Variants in EPHB1 observed in about 807,000 individuals in gnomAD.
EPHB1 encodes the protein EPH receptor B1.
EPHB1 carries 30 observed loss-of-function variants against 94.4 expected under a neutral mutation model. The observed-to-expected ratio is 0.32, with a 90% CI of 0.24 to 0.43. EPHB1 has a LOEUF of 0.43. Among genes scored for constraint, EPHB1 ranks in the 20% least tolerant of loss-of-function variants. The pLI, the probability that EPHB1 is intolerant of heterozygous loss-of-function variation, is 1.00. For missense variants in EPHB1, 1,055 were observed against 1,308.3 expected, an observed-to-expected ratio of 0.81 and a Z score of 2.99; for synonymous variants, 522 against 489.1, an observed-to-expected ratio of 1.07 and a Z score of -0.89.
intron 3 of EPHB1, among the ~76,000 whole-genome samples, chr3:135,053,826 A>G (rs1196739199): frequency 1.3e-5 from 2 of 152,070 alleles, no homozygotes; most frequent in Admixed American, 6.5e-5. Flanking sequence ...TCCCTGCAAA[A>G]AAGAATTTTT....
At chr3:134,926,273 C>T (rs960875402) in intron 2 of EPHB1, among the ~76,000 whole-genome samples, 8 of 152,220 alleles carry the variant, frequency 5.3e-5, no homozygotes, top group African/African-American at 1.9e-4. Context: ...TCACCTAGAC[C>T]TTGCCTTGGA....
intron 13 of EPHB1, among the ~76,000 whole-genome samples, chr3:135,245,231 C>T (rs1367970756): frequency 6.6e-6 from 1 of 152,188 alleles, no homozygotes; most frequent in Non-Finnish European, 1.5e-5. Context: ...CGCATCACTT[C>T]GGTGTCATTT....
rs753290958 is a variant in EPHB1 at position 134,849,643 on chromosome 3, A to T, written c.58+53954A>T. Among the ~76,000 whole-genome samples, 18 of 152,152 alleles carry T rather than the reference A, an allele frequency of 1.2e-4. 1 individual carries two copies. The highest frequency in any genetic ancestry group is 9.2e-4 in the Admixed American group (14 of 15,286). On this transcript the variant is annotated intron_variant, in intron 1 of 15. Transcript: ENST00000398015. Reference sequence around the variant, plus strand: ...AGTGGCACATGAAAATGCAGCAAGCACCCGAGGACAGAGCTAGGAGATTAT... The same window carrying T: ...AGTGGCACATGAAAATGCAGCAAGCTCCCGAGGACAGAGCTAGGAGATTAT...
chr3:135,105,117 A>T (rs1034036545), intron 3 of EPHB1, among the ~76,000 whole-genome samples: 3 of 152,214 alleles, frequency 2.0e-5, no homozygotes, highest in Non-Finnish European at 4.4e-5. Flanking sequence ...GATGGTGGCT[A>T]CTGCTATTAT....
intron 1 of EPHB1, among the ~76,000 whole-genome samples, chr3:134,882,825 T>G (rs1318078781): frequency 6.7e-6 from 1 of 149,468 alleles, no homozygotes; most frequent in Non-Finnish European, 1.5e-5. Flanking sequence ...TTTCTTTCTT[T>G]TCTTTCTTTC....
In EPHB1 at chr3:135,053,123, CATT is replaced by C. The variant is rs773847846; in HGVS notation, c.806-53322_806-53320del. Among the ~76,000 whole-genome samples the C allele has an allele frequency of 2.8e-5, 4 of 142,568 alleles. No homozygotes were observed. In the East Asian group the frequency reaches 8.2e-4, roughly 29 times the overall value. 93.5% of individuals were successfully genotyped at this position (142,568 alleles called of 152,430 possible). ...CATGGTATCCAGATATTTGTTCAAA[CATT>C]ATGTTAGATGTTTAGATTTTAGATG... On this transcript the variant is annotated intron_variant, in intron 3 of 15. Transcript: ENST00000398015.
chr3:135,254,955 G>C (rs1933308334), intron 15 of EPHB1, among the ~76,000 whole-genome samples: 1 of 152,210 alleles, frequency 6.6e-6, no homozygotes, highest in Non-Finnish European at 1.5e-5. Context: ...GAGAGTGCAT[G>C]TGTCAAGGAA....
intron 1 of EPHB1, among the ~76,000 whole-genome samples, chr3:134,897,344 G>T (rs544209879): frequency 6.6e-6 from 1 of 152,272 alleles, no homozygotes; most frequent in African/African-American, 2.4e-5. Flanking sequence ...GGGTGAGGGA[G>T]GGTGGGGAAA....
At chr3:134,882,833 T>TTCTTTCTTTTCTTTCTC in intron 1 of EPHB1, among the ~76,000 whole-genome samples, 1 of 150,470 alleles carries the variant, frequency 6.6e-6, no homozygotes, top group African/African-American at 2.5e-5. Context: ...TTTTCTTTCT[T>TTCTTTCTTTTCTTTCTC]TCTTTCTTTT....
chr3:134,795,928 G>A (rs1321527939), intron 1 of EPHB1, among the ~76,000 whole-genome samples: 1 of 152,158 alleles, frequency 6.6e-6, no homozygotes, highest in Non-Finnish European at 1.5e-5. Flanking sequence ...CGGCTTCCTC[G>A]CCCCGGCACT....
chr3:135,031,771 C>G (rs1936482011), intron 3 of EPHB1, among the ~76,000 whole-genome samples: 2 of 152,216 alleles, frequency 1.3e-5, no homozygotes, highest in Admixed American at 6.5e-5. Context: ...CTCAAGTCCT[C>G]TCTTCAAAAG....
intron 3 of EPHB1, among the ~76,000 whole-genome samples, chr3:135,071,301 T>C (rs1456665303): frequency 6.6e-6 from 1 of 152,200 alleles, no homozygotes; most frequent in Non-Finnish European, 1.5e-5. Context: ...TGGACCCAGG[T>C]AATTTTAAGT....
chr3:135,224,088 G>A lies in EPHB1; in HGVS notation c.2347-17060G>A, dbSNP rs13070769. 8.5e-3 allele frequency among the ~76,000 whole-genome samples: 1,287 copies of A among 152,214 alleles called. 4 individuals carry two copies. The highest frequency in any genetic ancestry group is 0.037 in the Middle Eastern group (11 of 294). ...ACACAAATATTATTGTGTTACAATT[G>A]CCAACAGTATTCTTCATAGTACCAT... On this transcript the variant is annotated intron_variant, in intron 12 of 15. Coordinates refer to ENST00000398015, the MANE Select transcript of EPHB1 (RefSeq NM_004441.5).
intron 3 of EPHB1, among the ~76,000 whole-genome samples, chr3:135,105,619 A>G (rs913541940): frequency 6.6e-5 from 10 of 152,208 alleles, no homozygotes; most frequent in Non-Finnish European, 1.5e-4. Context: ...ATGACTCATT[A>G]TAGGCTGATC....
Position 135,259,958 on chromosome 3 carries a change from G to T in EPHB1, c.*838G>T, listed in dbSNP as rs1305892984. ...GTCCCTAGGAAATCCAAAGGGGCTG[G>T]AATATGGTGTTGGTTTGGCTTTCTG... On this transcript the variant is annotated 3_prime_UTR_variant, in exon 16 of 16. Transcript: ENST00000398015. The T allele has an allele frequency of 8.6e-6, 2 of 231,736 alleles. No individual in the cohort carries two copies. The highest frequency in any genetic ancestry group is 4.4e-5 in the African/African-American group (2 of 45,240). The allele number at this position is 231,736 out of a possible 1,614,324, so 14.4% of individuals were successfully genotyped here.
At chr3:134,828,561 C>G (rs1384537579) in intron 1 of EPHB1, among the ~76,000 whole-genome samples, 1 of 152,150 alleles carries the variant, frequency 6.6e-6, no homozygotes, top group Admixed American at 6.5e-5. Flanking sequence ...AATTACTGCC[C>G]CAGGGTCAGG....
chr3:134,800,881 A>G (rs928687756), intron 1 of EPHB1, among the ~76,000 whole-genome samples: 4 of 152,240 alleles, frequency 2.6e-5, no homozygotes, highest in African/African-American at 9.6e-5. Context: ...AGACTGAGAT[A>G]TATAATAGTT....
chr3:134,962,657 G>A (rs893690984), intron 3 of EPHB1, among the ~76,000 whole-genome samples: 5 of 152,038 alleles, frequency 3.3e-5, no homozygotes, highest in Non-Finnish European at 7.4e-5. Context: ...GCATCTCTCA[G>A]CTCTCACCCT....
At chr3:135,203,049 T>A (rs923434612) in intron 12 of EPHB1, among the ~76,000 whole-genome samples, 1 of 152,186 alleles carries the variant, frequency 6.6e-6, no homozygotes, top group Non-Finnish European at 1.5e-5. Flanking sequence ...TATAAAAGAA[T>A]GAGTTCGTGT....
Sources: allele counts gnomAD v4.1 joint callset (sites outside exome capture counted in the v4.1 genomes callset), GRCh38; gene constraint gnomAD v4.1.1; transcripts MANE v1.5; gene names NCBI Gene and HGNC (gene_info 2026-07-23, HGNC 2026-07-21).